KCNH1: variants seen among roughly 807,000 people sequenced by gnomAD.
The protein encoded by KCNH1 is voltage-gated delayed rectifier potassium channel KCNH1.
KCNH1 carries 27 observed loss-of-function variants against 69.2 expected under a neutral mutation model. The observed-to-expected ratio is 0.39, with a 90% CI of 0.29 to 0.54. KCNH1 has a LOEUF of 0.54. Among genes scored for constraint, KCNH1 ranks in the 20% least tolerant of loss-of-function variants. The probability of loss-of-function intolerance (pLI) is 0.68; values close to 1 mark genes in which losing one functional copy is unlikely to be tolerated. For synonymous variants in KCNH1, 456 were observed against 487.7 expected, an observed-to-expected ratio of 0.93 and a Z score of 0.86; for missense variants, 798 against 1,261.6, an observed-to-expected ratio of 0.63 and a Z score of 5.57.
chr1:210,794,025 C>T (rs1684259784), intron 9 of KCNH1, among the ~76,000 whole-genome samples: 1 of 152,144 alleles, frequency 6.6e-6, no homozygotes, highest in Non-Finnish European at 1.5e-5. Context: ...TTGGATTGTA[C>T]TGAAGGGCAT....
chr1:210,937,732 C>T (rs146409958), intron 6 of KCNH1, among the ~76,000 whole-genome samples: 109 of 152,274 alleles, frequency 7.2e-4, no homozygotes, highest in African/African-American at 2.5e-3. Flanking sequence ...TTTCCAAAAG[C>T]TCTGTGAGTT....
intron 6 of KCNH1, among the ~76,000 whole-genome samples, chr1:210,938,685 T>C (rs1054551051): frequency 3.9e-5 from 6 of 152,224 alleles, no homozygotes; most frequent in African/African-American, 1.2e-4. Flanking sequence ...TCTCAAACAC[T>C]GTCACACTGG....
chr1:210,729,431 C>T (rs569365331), intron 10 of KCNH1, among the ~76,000 whole-genome samples: 45 of 152,294 alleles, frequency 3.0e-4, no homozygotes, highest in African/African-American at 2.6e-4. Context: ...CCCTGACATG[C>T]GGCAGAGGAA....
At chr1:211,054,005 C>T (rs181467332) in intron 5 of KCNH1, among the ~76,000 whole-genome samples, 3 of 152,186 alleles carry the variant, frequency 2.0e-5, no homozygotes, top group East Asian at 1.9e-4. Flanking sequence ...CATGGTGGCT[C>T]ACACCTGTAA....
At chr1:210,806,836 A>AATATATATATATATATATATATATATAT (rs1553346590) in intron 7 of KCNH1, among the ~76,000 whole-genome samples, 30 of 85,498 alleles carry the variant, frequency 3.5e-4, no homozygotes, top group Non-Finnish European at 4.3e-4. Flanking sequence ...AAAAAAAAAA[A>AATATATATATATATATATATATATATAT]ATATATATAT....
intron 7 of KCNH1, among the ~76,000 whole-genome samples, chr1:210,863,356 G>C (rs574748370): frequency 6.6e-6 from 1 of 152,286 alleles, no homozygotes; most frequent in Non-Finnish European, 1.5e-5. Context: ...TGCAGACCCA[G>C]AAAAGGCCTT....
At chr1:211,088,160 G>A (rs983795095) in intron 4 of KCNH1, among the ~76,000 whole-genome samples, 3 of 152,162 alleles carry the variant, frequency 2.0e-5, no homozygotes. Flanking sequence ...AACATCCCAT[G>A]GGACAATGCC....
At chr1:211,112,236 C>T (rs1691482805) in intron 1 of KCNH1, among the ~76,000 whole-genome samples, 1 of 151,386 alleles carries the variant, frequency 6.6e-6, no homozygotes, top group South Asian at 2.1e-4. Context: ...CTAACCTGGC[C>T]GCTGCACTGT....
chr1:210,915,868 A>G (rs1025655244), intron 7 of KCNH1, among the ~76,000 whole-genome samples: 3 of 152,232 alleles, frequency 2.0e-5, no homozygotes, highest in African/African-American at 7.2e-5. Context: ...TGGCTAATAT[A>G]CTGCAACAGG....
chr1:210,834,804 G>A (rs1202970805), intron 7 of KCNH1, among the ~76,000 whole-genome samples: 1 of 152,088 alleles, frequency 6.6e-6, no homozygotes, highest in East Asian at 1.9e-4. Flanking sequence ...AGTAGCATGG[G>A]AGGACACAGA....
chr1:210,833,535 A>C (rs1685212605), intron 7 of KCNH1, among the ~76,000 whole-genome samples: 2 of 152,206 alleles, frequency 1.3e-5, no homozygotes, highest in African/African-American at 4.8e-5. Context: ...AAATCAATTC[A>C]AGATGGATTA....
At chr1:210,802,802 T>C (rs1684456651) in intron 8 of KCNH1, among the ~76,000 whole-genome samples, 1 of 152,216 alleles carries the variant, frequency 6.6e-6, no homozygotes, top group African/African-American at 2.4e-5. Context: ...TTGATCACTG[T>C]TTCCTGGACT....
At chr1:210,772,999 G>T (rs1274160301) in intron 10 of KCNH1, among the ~76,000 whole-genome samples, 1 of 151,768 alleles carries the variant, frequency 6.6e-6, no homozygotes, top group Non-Finnish European at 1.5e-5. Flanking sequence ...AGATTTACTT[G>T]AGCCACAATT....
At chr1:211,065,031 G>T (rs1313292106) in intron 5 of KCNH1, among the ~76,000 whole-genome samples, 5 of 152,116 alleles carry the variant, frequency 3.3e-5, no homozygotes, top group African/African-American at 1.2e-4. Flanking sequence ...GCACACTGTT[G>T]GTGGGAGTGT....
At chr1:211,132,840 G>GCTAT (rs1345764177) in intron 1 of KCNH1, 6 of 152,170 alleles carry the variant, frequency 3.9e-5, no homozygotes, top group African/African-American at 1.4e-4. Flanking sequence ...CTTATGCTTG[G>GCTAT]CTATCTTTCA....
chr1:211,042,015 A>G (rs1690004956), intron 5 of KCNH1, among the ~76,000 whole-genome samples: 1 of 152,142 alleles, frequency 6.6e-6, no homozygotes, highest in Non-Finnish European at 1.5e-5. Context: ...TCAGCCTCCC[A>G]AAGTGCTGGG....
intron 10 of KCNH1, among the ~76,000 whole-genome samples, chr1:210,712,567 G>A (rs1457116839): frequency 1.3e-5 from 2 of 152,216 alleles, no homozygotes; most frequent in Non-Finnish European, 2.9e-5. Flanking sequence ...TCTGATGCTA[G>A]AGTGACTTTC....
intron 8 of KCNH1, among the ~76,000 whole-genome samples, chr1:210,801,245 T>C (rs1339749015): frequency 1.3e-5 from 2 of 152,200 alleles, no homozygotes; most frequent in African/African-American, 4.8e-5. Context: ...CACCAGCTAA[T>C]AGCTGGTAAA....
intron 6 of KCNH1, among the ~76,000 whole-genome samples, chr1:210,970,773 G>A (rs1276954153): frequency 1.3e-5 from 2 of 152,182 alleles, no homozygotes; most frequent in African/African-American, 2.4e-5. Context: ...TGCAACAAAC[G>A]CTAAAATTGA....
Sources: allele counts gnomAD v4.1 joint callset (sites outside exome capture counted in the v4.1 genomes callset), GRCh38; gene constraint gnomAD v4.1.1; transcripts MANE v1.5; gene names NCBI Gene and HGNC (gene_info 2026-07-23, HGNC 2026-07-21).